Variants in CNBD2 observed in about 807,000 individuals in gnomAD.
CNBD2 encodes cyclic nucleotide binding domain containing 2.
A neutral mutation model predicts 63.7 loss-of-function variants in CNBD2; 64 were observed. The observed-to-expected ratio is 1.00, with a 90% CI of 0.82 to 1.24. The LOEUF is 1.24. Among genes scored for constraint, CNBD2 ranks in the 50% most tolerant of loss-of-function variants. The pLI is 0.00. For missense variants in CNBD2, 691 were observed against 713.5 expected, an observed-to-expected ratio of 0.97 and a Z score of 0.36; for synonymous variants, 229 against 255.4, an observed-to-expected ratio of 0.90 and a Z score of 0.99.
intron 10 of CNBD2, among the ~76,000 whole-genome samples, chr20:36,015,847 T>C (rs1013284767): frequency 2.0e-5 from 3 of 152,222 alleles, no homozygotes; most frequent in Non-Finnish European, 4.4e-5. Context: ...AAGCAATTTA[T>C]GTAGATACTC....
At chr20:35,970,490 A>G (rs574445180) in intron 1 of CNBD2, among the ~76,000 whole-genome samples, 37 of 151,688 alleles carry the variant, frequency 2.4e-4, no homozygotes, top group African/African-American at 8.9e-4. Flanking sequence ...TCCACCTCCC[A>G]GGTTCAAGTG....
At chr20:36,020,654 T>C (rs1023751617) in intron 10 of CNBD2, among the ~76,000 whole-genome samples, 3 of 152,170 alleles carry the variant, frequency 2.0e-5, no homozygotes, top group Admixed American at 6.6e-5. Flanking sequence ...AACCCCCACA[T>C]GCTAGGATGG....
chr20:36,015,974 T>C (rs917455604), intron 10 of CNBD2, among the ~76,000 whole-genome samples: 1 of 151,946 alleles, frequency 6.6e-6, no homozygotes, highest in Non-Finnish European at 1.5e-5. Flanking sequence ...ATGGAAAAAA[T>C]CTGAAAAACA....
rs746873286 is a variant in CNBD2, at chr20:36,023,714, T to C, written c.1382T>C (p.Ile461Thr). 6.2e-7 allele frequency: 1 copy of C among 1,613,628 alleles called. No individual in the cohort carries two copies. The highest frequency in any genetic ancestry group is 1.3e-5 in the African/African-American group (1 of 74,864). ...RIRKEIFYEL[I>T]DNDDEMIKKL... ...AGGAAGGAAATATTTTATGAACTGA[T>C]TGACAATGATGACGAGATGATAAAA... The change falls in exon 11 of 12, where the codon ATT becomes ACT. Residue 461 changes from isoleucine to threonine, a missense_variant. Coordinates refer to ENST00000373973, the MANE Select transcript of CNBD2 (RefSeq NM_001365709.1).
chr20:35,998,040 C>CTTTTTTT (rs1046661526), intron 8 of CNBD2, among the ~76,000 whole-genome samples: 140 of 127,078 alleles, frequency 1.1e-3, no homozygotes, highest in African/African-American at 1.9e-3. Flanking sequence ...TTTTCTTTTT[C>CTTTTTTT]TTTTTTTTTT....
At chr20:35,999,680 T>TTC (rs113788163) in intron 8 of CNBD2, among the ~76,000 whole-genome samples, 6 of 85,322 alleles carry the variant, frequency 7.0e-5, no homozygotes, top group African/African-American at 3.4e-4. Flanking sequence ...AAGTATCTTC[T>TTC]TTTTTTTTTT....
chr20:36,029,882 G>C (rs897583964), intron 11 of CNBD2, among the ~76,000 whole-genome samples: 30 of 151,894 alleles, frequency 2.0e-4, no homozygotes, highest in African/African-American at 6.8e-4. Context: ...TATGAGGTGA[G>C]GGGGAGGGCA....
At chr20:36,006,411 C>G (rs1025012111) in intron 8 of CNBD2, among the ~76,000 whole-genome samples, 3 of 151,440 alleles carry the variant, frequency 2.0e-5, no homozygotes, top group Admixed American at 6.6e-5. Flanking sequence ...AGTTAAATGA[C>G]AAATTAGAAA....
intron 10 of CNBD2, among the ~76,000 whole-genome samples, chr20:36,011,461 C>A (rs921704109): frequency 3.3e-5 from 5 of 152,020 alleles, no homozygotes; most frequent in African/African-American, 1.2e-4. Context: ...CCGAGGTGGG[C>A]AGATCACAAG....
chr20:35,974,852 C>T (rs2056477670), intron 2 of CNBD2: 1 of 152,234 alleles, frequency 6.6e-6, no homozygotes, highest in Admixed American at 6.5e-5. Context: ...CCTTCACCAT[C>T]TCAGTCCTAC....
At chr20:35,999,894 G>C (rs1174820896) in intron 8 of CNBD2, among the ~76,000 whole-genome samples, 1 of 152,010 alleles carries the variant, frequency 6.6e-6, no homozygotes, top group African/African-American at 2.4e-5. Context: ...GGCCAGGCTG[G>C]TCTTGAACTC....
chr20:35,977,980 G>A (rs2056544269), intron 3 of CNBD2, among the ~76,000 whole-genome samples: 1 of 152,052 alleles, frequency 6.6e-6, no homozygotes, highest in Admixed American at 6.5e-5. Context: ...AGTCCATATT[G>A]GGCTTCTAAT....
intron 7 of CNBD2, among the ~76,000 whole-genome samples, chr20:35,992,625 G>C (rs2056762427): frequency 6.6e-6 from 1 of 152,288 alleles, no homozygotes; most frequent in Admixed American, 6.5e-5. Context: ...GTTCCTTACA[G>C]TGTTTTATTA....
intron 10 of CNBD2, among the ~76,000 whole-genome samples, chr20:36,013,679 A>C (rs1328747601): frequency 6.6e-6 from 1 of 152,194 alleles, no homozygotes; most frequent in Non-Finnish European, 1.5e-5. Flanking sequence ...TTCTACTACT[A>C]TACATGTACA....
chr20:36,002,422 GGGAGAC>G (rs1216756221), intron 8 of CNBD2, among the ~76,000 whole-genome samples: 5 of 151,994 alleles, frequency 3.3e-5, no homozygotes, highest in Admixed American at 1.3e-4. Flanking sequence ...CGTGGGGAGA[GGGAGAC>G]GGAGAAGGAG....
At chr20:36,016,258 C>G (rs902225298) in intron 10 of CNBD2, among the ~76,000 whole-genome samples, 10 of 152,066 alleles carry the variant, frequency 6.6e-5, no homozygotes, top group African/African-American at 1.9e-4. Flanking sequence ...CTAAAGAGCC[C>G]TATTATTAAA....
downstream of CNBD2, among the ~76,000 whole-genome samples, chr20:35,958,372 C>T (rs552582128): frequency 3.3e-5 from 5 of 152,276 alleles, no homozygotes; most frequent in Non-Finnish European, 7.4e-5. Context: ...GCAGAGGTTG[C>T]AGTGAGCTGA....
intron 11 of CNBD2, 46 bp from the exon 12 acceptor site, chr20:36,030,311 G>A: frequency 6.3e-7 from 1 of 1,593,250 alleles, no homozygotes; most frequent in Non-Finnish European, 8.6e-7. Context: ...AAGGCTGGAG[G>A]GGCGGGACTG....
upstream of CNBD2, among the ~76,000 whole-genome samples, chr20:35,964,295 C>G (rs1460930390): frequency 6.6e-6 from 1 of 152,048 alleles, no homozygotes; most frequent in Non-Finnish European, 1.5e-5. Flanking sequence ...ATTCTCCTGT[C>G]TCGGCCTCCC....
Sources: allele counts gnomAD v4.1 joint callset (sites outside exome capture counted in the v4.1 genomes callset), GRCh38; gene constraint gnomAD v4.1.1; transcripts MANE v1.5; gene names NCBI Gene and HGNC (gene_info 2026-07-23, HGNC 2026-07-21).